MCTP1: variants seen among roughly 807,000 people sequenced by gnomAD.
The protein encoded by MCTP1 is multiple C2 and transmembrane domain containing 1, also known as multiple C2 and transmembrane domain-containing protein 1.
A neutral mutation model predicts 120.6 loss-of-function variants in MCTP1; 69 were observed. The observed-to-expected ratio is 0.57, with a 90% CI of 0.47 to 0.70. The LOEUF is 0.70. MCTP1 is among the 30% of genes least tolerant of loss of function. The pLI, the probability that MCTP1 is intolerant of heterozygous loss-of-function variation, is 0.00. For synonymous variants in MCTP1, 529 were observed against 493.1 expected, an observed-to-expected ratio of 1.07 and a Z score of -0.96; for missense variants, 1,203 against 1,248.8, an observed-to-expected ratio of 0.96 and a Z score of 0.55.
intron 1 of MCTP1, among the ~76,000 whole-genome samples, chr5:95,140,693 TAAAAAAAAAAAAAAAA>T (rs35248317): frequency 0.049 from 1,362 of 27,656 alleles, 41 homozygotes; most frequent in African/African-American, 0.13. Context: ...CTGTCCCTAC[TAAAAAAAAAAAAAAAA>T]AAAAAAAAAA....
At chr5:94,731,734 C>G (rs1054532269) in intron 19 of MCTP1, among the ~76,000 whole-genome samples, 1 of 152,188 alleles carries the variant, frequency 6.6e-6, no homozygotes, top group Non-Finnish European at 1.5e-5. Context: ...CTGAGCCAAA[C>G]TGCTGCTATG....
chr5:95,188,443 A>C (rs2152527502), intron 1 of MCTP1, among the ~76,000 whole-genome samples: 1 of 152,338 alleles, frequency 6.6e-6, no homozygotes, highest in Admixed American at 6.5e-5. Flanking sequence ...TCTTTACACA[A>C]AAACATGTAC....
chr5:95,110,232 C>T (rs1314456118), intron 1 of MCTP1, among the ~76,000 whole-genome samples: 2 of 151,890 alleles, frequency 1.3e-5, no homozygotes, highest in Non-Finnish European at 2.9e-5. Context: ...ATCCAACCTA[C>T]TTACCCACTC....
Position 94,706,932 on chromosome 5 carries a change from T to TAAG in MCTP1, c.*561_*563dup, listed in dbSNP as rs939820590. 2 of 151,892 alleles carry TAAG rather than the reference T, an allele frequency of 1.3e-5. No homozygotes were observed. The highest frequency in any genetic ancestry group is 1.3e-4 in the Admixed American group (2 of 15,190). 9.4% of individuals were successfully genotyped at this position (151,892 alleles called of 1,614,324 possible). ...TTCACTTATTAGCTTAAAATTAGCC[T>TAAG]AAGTCATACCTAAGTAATTTGCACA... On this transcript the variant is annotated 3_prime_UTR_variant, in exon 23 of 23. Coordinates refer to ENST00000515393, the MANE Select transcript of MCTP1 (RefSeq NM_024717.7).
At chr5:94,989,734 C>G (rs1036631399) in intron 2 of MCTP1, among the ~76,000 whole-genome samples, 2 of 152,134 alleles carry the variant, frequency 1.3e-5, no homozygotes, top group African/African-American at 2.4e-5. Flanking sequence ...AACCCCATCC[C>G]TTGACCTCTG....
chr5:94,826,907 G>T (rs571628060), intron 17 of MCTP1, among the ~76,000 whole-genome samples: 1 of 149,626 alleles, frequency 6.7e-6, no homozygotes, highest in East Asian at 2.0e-4. Flanking sequence ...ACACTGATGG[G>T]TCTTGAATCT....
chr5:95,232,722 A>T (rs552406600), intron 1 of MCTP1, among the ~76,000 whole-genome samples: 2 of 152,216 alleles, frequency 1.3e-5, no homozygotes, highest in South Asian at 4.1e-4. Flanking sequence ...CCTCCCAAGA[A>T]ATTTAAATTT....
chr5:94,880,755 C>T (rs1799879734), intron 12 of MCTP1, among the ~76,000 whole-genome samples: 1 of 152,148 alleles, frequency 6.6e-6, no homozygotes, highest in Non-Finnish European at 1.5e-5. Context: ...ATTACTTCTA[C>T]AAGAATCTTT....
At chr5:94,738,267 C>T (rs1262194425) in intron 19 of MCTP1, among the ~76,000 whole-genome samples, 1 of 152,152 alleles carries the variant, frequency 6.6e-6, no homozygotes, top group Non-Finnish European at 1.5e-5. Flanking sequence ...CTAGATCGGA[C>T]CACCCTTGCC....
At chr5:95,013,077 C>G (rs1248192495) in intron 2 of MCTP1, among the ~76,000 whole-genome samples, 1 of 152,122 alleles carries the variant, frequency 6.6e-6, no homozygotes, top group East Asian at 1.9e-4. Flanking sequence ...AGCCACCCAG[C>G]CTCACTGCTG....
At chr5:94,847,709 T>C (rs1211918444) in intron 17 of MCTP1, among the ~76,000 whole-genome samples, 2 of 149,876 alleles carry the variant, frequency 1.3e-5, no homozygotes, top group African/African-American at 2.5e-5. Context: ...TATATATGTA[T>C]GTTGGGGGTG....
At chr5:95,210,742 G>A (rs146587277) in intron 1 of MCTP1, among the ~76,000 whole-genome samples, 1,645 of 150,928 alleles carry the variant, frequency 0.011, 14 homozygotes, top group Middle Eastern at 0.034. Flanking sequence ...TATTTTGCTC[G>A]TTAGTTCACG....
chr5:95,124,622 T>C (rs1758488174), intron 1 of MCTP1, among the ~76,000 whole-genome samples: 1 of 152,208 alleles, frequency 6.6e-6, no homozygotes, highest in African/African-American at 2.4e-5. Flanking sequence ...CACTGGCATT[T>C]ATGAAGCATA....
chr5:94,859,590 A>T (rs1261692214), intron 17 of MCTP1, among the ~76,000 whole-genome samples: 1 of 151,778 alleles, frequency 6.6e-6, no homozygotes, highest in Non-Finnish European at 1.5e-5. Context: ...TGTGTTAATT[A>T]AACATAATGA....
intron 1 of MCTP1, among the ~76,000 whole-genome samples, chr5:95,237,228 A>T (rs1755645160): frequency 6.6e-6 from 1 of 151,992 alleles, no homozygotes; most frequent in South Asian, 2.1e-4. Context: ...GTGTGCTACT[A>T]CTCAGCCCCT....
intron 19 of MCTP1, among the ~76,000 whole-genome samples, chr5:94,736,866 A>T (rs532252084): frequency 1.6e-4 from 25 of 152,248 alleles, no homozygotes; most frequent in Non-Finnish European, 3.5e-4. Flanking sequence ...TTTAACTTGC[A>T]GAAAAAGTTC....
chr5:94,859,097 A>G (rs1380669787), intron 17 of MCTP1, among the ~76,000 whole-genome samples: 1 of 151,726 alleles, frequency 6.6e-6, no homozygotes, highest in African/African-American at 2.4e-5. Flanking sequence ...ACTACATATC[A>G]GCCAAGATTT....
At chr5:94,862,670 T>C (rs1273653917) in intron 17 of MCTP1, among the ~76,000 whole-genome samples, 3 of 151,922 alleles carry the variant, frequency 2.0e-5, no homozygotes, top group Admixed American at 6.6e-5. Context: ...TTATACTCTT[T>C]GGGGGCCTTT....
chr5:95,076,886 A>G (rs1180391058), intron 1 of MCTP1, among the ~76,000 whole-genome samples: 1 of 152,122 alleles, frequency 6.6e-6, no homozygotes, highest in African/African-American at 2.4e-5. Flanking sequence ...ATTGTTTAAA[A>G]CTTTTCACCC....
Sources: allele counts gnomAD v4.1 joint callset (sites outside exome capture counted in the v4.1 genomes callset), GRCh38; gene constraint gnomAD v4.1.1; transcripts MANE v1.5; gene names NCBI Gene and HGNC (gene_info 2026-07-23, HGNC 2026-07-21).